The following PEX1 variants were observed in gnomAD, a reference collection of about 807,000 sequenced individuals.
PEX1 encodes peroxisomal biogenesis factor 1.
PEX1 carries 97 observed loss-of-function variants against 152.5 expected under a neutral mutation model. The ratio of observed to expected loss-of-function variants is 0.64; its 90% CI spans 0.54 to 0.75. The LOEUF (loss-of-function observed/expected upper bound fraction) is 0.75, where lower values mean the gene tolerates loss of function less well. Ranked by LOEUF, PEX1 falls within the 30% of genes least tolerant of loss-of-function variation. The pLI is 0.00. For missense variants in PEX1, 1,357 were observed against 1,516.3 expected, an observed-to-expected ratio of 0.89 and a Z score of 1.74; for synonymous variants, 485 against 531.6, an observed-to-expected ratio of 0.91 and a Z score of 1.21.
At chr7:92,490,402 A>G (rs1457434041) in intron 21 of PEX1, among the ~76,000 whole-genome samples, 2 of 152,178 alleles carry the variant, frequency 1.3e-5, no homozygotes, top group Non-Finnish European at 2.9e-5. Context: ...TGGGAGGTCA[A>G]GGCACGCAGA....
At chr7:92,498,068 GAAAA>G (rs781116048) in intron 16 of PEX1, among the ~76,000 whole-genome samples, 5 of 51,030 alleles carry the variant, frequency 9.8e-5, no homozygotes, top group East Asian at 6.0e-4. Context: ...CAGTCTCAGA[GAAAA>G]AAAAAAAAAA....
Position 92,517,759 on chromosome 7 carries a change from A to C in PEX1, c.756T>G (p.Ile252Met). ...VASLWTMIGSIFSFQSEKKQE... is the reference protein window; with the variant it reads ...VASLWTMIGSMFSFQSEKKQE... ...GTTTCTTCTCAGATTGAAAGGAAAA[A>C]ATGCTTCCTATCATAGTCCATAAAC... Residue 252 changes from isoleucine (I) to methionine (M), a missense_variant, in exon 5 of 24, where the codon ATT becomes ATG. Transcript: ENST00000248633. 6.2e-7 allele frequency: 1 copy of C among 1,603,024 alleles called. No individual in the cohort carries two copies. The highest frequency in any genetic ancestry group is 8.5e-7 in the Non-Finnish European group (1 of 1,174,458).
intron 3 of PEX1, 146 bp from the exon 4 acceptor site, chr7:92,518,401 G>A: frequency 1.5e-6 from 1 of 659,646 alleles, no homozygotes; most frequent in South Asian, 1.8e-5. Flanking sequence ...GCTACATATA[G>A]ATAGTATAAT....
At chr7:92,500,035 A>AT (rs35207305) in intron 15 of PEX1, among the ~76,000 whole-genome samples, 197 bp from the exon 16 acceptor site, 2 of 152,132 alleles carry the variant, frequency 1.3e-5, no homozygotes, top group Admixed American at 1.3e-4. Context: ...ACTACGACAA[A>AT]TTTTTTCCAA....
intron 17 of PEX1, among the ~76,000 whole-genome samples, chr7:92,495,376 G>A (rs1258835532): frequency 6.6e-6 from 1 of 151,888 alleles, no homozygotes; most frequent in Non-Finnish European, 1.5e-5. Flanking sequence ...ATATCTTCTG[G>A]GGCCAAAAAT....
intron 1 of PEX1, among the ~76,000 whole-genome samples, chr7:92,523,865 A>C (rs145676000): frequency 1.4e-4 from 21 of 152,158 alleles, no homozygotes; most frequent in African/African-American, 4.8e-4. Context: ...AGGAAGCTTC[A>C]GTGTTATTAA....
At chr7:92,491,605 T>G (rs1388701124) in intron 20 of PEX1, 103 bp from the exon 21 acceptor site, 2 of 722,358 alleles carry the variant, frequency 2.8e-6, no homozygotes, top group Non-Finnish European at 4.8e-6. Context: ...TACAAGAAAC[T>G]TAGAAGCATT....
At position 92,501,571 on chromosome 7, in the gene PEX1, T is replaced by C; in HGVS notation, c.2519A>G (p.Asp840Gly). The C allele has an allele frequency of 6.2e-7, 1 of 1,613,638 alleles. No homozygotes were observed. Among genetic ancestry groups the C allele is most frequent in the Non-Finnish European group, 8.5e-7 (1 of 1,179,578 alleles). Residue 840 changes from aspartate to glycine, a missense_variant, in exon 15 of 24, where the codon GAC (aspartate) becomes GGC (glycine). Coordinates refer to ENST00000248633, the MANE Select transcript of PEX1 (RefSeq NM_000466.3). The stretch of plus-strand genomic sequence containing the variant: ...AACTTCATGTAACCCACCAATCTTG[T>C]CCCAACCCAGGTCTCTAGGTTTATG... ...NLHKPRDLGW[D>G]KIGGLHEVRQ... is the part of the protein sequence containing the mutation.
rs2116111275 is a variant in PEX1 at position 92,496,783 on chromosome 7, G to A, written c.2719-6C>T. 1.9e-6 allele frequency: 3 copies of A among 1,581,756 alleles called. No individual in the cohort carries two copies. Reference sequence around the variant, plus strand: ...TTGCTGAGTAACTCTGGCCCCTATTGGGTAAAATAAGAGTTGAGATAAAAT... The same window carrying A: ...TTGCTGAGTAACTCTGGCCCCTATTAGGTAAAATAAGAGTTGAGATAAAAT... On this transcript the variant is annotated splice_polypyrimidine_tract_variant and splice_region_variant and intron_variant, in intron 16 of 23. Coordinates refer to ENST00000248633, the MANE Select transcript of PEX1 (RefSeq NM_000466.3).
chr7:92,519,572 TATA>T lies in PEX1; in HGVS notation c.274-497_274-495del, dbSNP rs1293004247. 5.3e-5 allele frequency among the ~76,000 whole-genome samples: 8 copies of T among 152,228 alleles called. No individual in the cohort carries two copies. In the South Asian group the frequency reaches 1.2e-3, roughly 24 times the overall value. ...AAAATGTAAAAATGTAAGTAAAAAA[TATA>T]AGAAGAAATGACTATATCATCAAGT... On this transcript the variant is annotated intron_variant, in intron 2 of 23. Transcript: ENST00000248633.
At chr7:92,503,343 A>G in intron 12 of PEX1, 148 bp from the exon 13 acceptor site, 1 of 707,344 alleles carries the variant, frequency 1.4e-6, no homozygotes, top group Non-Finnish European at 2.4e-6. Flanking sequence ...TAAAAAATGA[A>G]TCCATCTAGT....
At position 92,515,261 on chromosome 7, in the gene PEX1, C is replaced by T. The variant is rs145078631; in HGVS notation, c.1240-1294G>A. Among the ~76,000 whole-genome samples the T allele has an allele frequency of 2.0e-5, 3 of 151,864 alleles. No individual in the cohort carries two copies. The East Asian group carries it at 5.8e-4, about 29-fold the overall frequency. On this transcript the variant is annotated intron_variant, in intron 5 of 23. Coordinates refer to ENST00000248633, the MANE Select transcript of PEX1 (RefSeq NM_000466.3). ...TGGTAGACAAAAGCATAAATAAAAA[C>T]TCTAAGGTACATATTCTGACTTAAA... is the stretch of plus-strand genomic sequence containing the variant.
At chr7:92,498,993 A>T (rs915081432) in intron 16 of PEX1, among the ~76,000 whole-genome samples, 1 of 152,186 alleles carries the variant, frequency 6.6e-6, no homozygotes, top group Admixed American at 6.5e-5. Flanking sequence ...CTCATTACTC[A>T]ATTTCATACA....
At chr7:92,508,683 T>G (rs1234650492) in intron 9 of PEX1, among the ~76,000 whole-genome samples, 1 of 152,146 alleles carries the variant, frequency 6.6e-6, no homozygotes, top group East Asian at 1.9e-4. Flanking sequence ...TACCAAAGCT[T>G]CTGTGGAGAC....
intron 16 of PEX1, 75 bp from the exon 17 acceptor site, chr7:92,496,852 A>G: frequency 1.1e-6 from 1 of 903,888 alleles, no homozygotes; most frequent in Non-Finnish European, 1.8e-6. Flanking sequence ...CTAAGTCTAA[A>G]TGAATCATGG....
chr7:92,515,063 T>TTATCTATCTATC (rs1562863687), intron 5 of PEX1, among the ~76,000 whole-genome samples: 31 of 81,082 alleles, frequency 3.8e-4, no homozygotes, highest in South Asian at 8.1e-4. Context: ...AAAAAAAAAA[T>TTATCTATCTATC]TATCTATATA....
Position 92,492,973 on chromosome 7 carries a change from G to A in PEX1, c.3187C>T (p.Leu1063=). The stretch of plus-strand genomic sequence containing the variant: ...CTTGCCTGGAGTCCACTCGAGAGCA[G>A]CATTCCATGTAAGGCCTCCAATTGG... ...NAQLEALHGM[L]LSSGLQDGSS... The change falls in exon 20 of 24, where the codon CTG becomes TTG. Residue 1063 remains leucine (L), a synonymous_variant. Transcript: ENST00000248633. 1 of 1,613,662 alleles carries A rather than the reference G, an allele frequency of 6.2e-7. No homozygotes were observed. Among genetic ancestry groups the A allele is most frequent in the Non-Finnish European group, 8.5e-7 (1 of 1,179,638 alleles).
intron 2 of PEX1, among the ~76,000 whole-genome samples, chr7:92,521,731 C>T (rs1339228395): frequency 6.6e-6 from 1 of 152,108 alleles, no homozygotes; most frequent in Non-Finnish European, 1.5e-5. Context: ...GCCACCGCAC[C>T]CAGCTGAATT....
At chr7:92,491,544 AT>A in intron 20 of PEX1, 42 bp from the exon 21 acceptor site, 2 of 1,176,230 alleles carry the variant, frequency 1.7e-6, no homozygotes, top group Non-Finnish European at 2.6e-6. Context: ...GATGTAAACA[AT>A]TTTAGTCTCA....
Sources: gnomAD v4.1 joint callset for allele counts (sites outside exome capture counted in the v4.1 genomes callset) on GRCh38, gnomAD v4.1.1 for gene constraint, MANE v1.5 for transcripts, NCBI Gene and HGNC (gene_info 2026-07-23, HGNC 2026-07-21) for gene names.